PDE6C: variants seen among roughly 807,000 people sequenced by gnomAD.
PDE6C encodes the protein phosphodiesterase 6C.
In PDE6C, 75 loss-of-function variants were observed where a neutral mutation model predicts 113.1. The observed-to-expected ratio is 0.66, with a 90% CI of 0.55 to 0.80. The LOEUF is 0.80. Ranked by LOEUF, PDE6C falls within the 30% of genes least tolerant of loss-of-function variation. PDE6C has a pLI of 0.00. For synonymous variants in PDE6C, 375 were observed against 363.7 expected (o/e 1.03, Z -0.35); for missense variants, 912 against 1,038.6 (o/e 0.88, Z 1.67).
chr10:93,662,219 C>T (rs1289589469), intron 19 of PDE6C, 86 bp downstream of exon 19: 1 of 843,402 alleles, frequency 1.2e-6, no homozygotes, highest in Non-Finnish European at 2.1e-6. Flanking sequence ...AATCCCAGCA[C>T]TTTGGGAGGC....
intron 21 of PDE6C, among the ~76,000 whole-genome samples, chr10:93,664,005 A>G (rs978018608): frequency 6.6e-6 from 1 of 152,202 alleles, no homozygotes; most frequent in East Asian, 1.9e-4. Flanking sequence ...TAAATAATTC[A>G]TAGGAGAAAA....
At chr10:93,629,971 A>G (rs4917871) in intron 8 of PDE6C, among the ~76,000 whole-genome samples, 57,003 of 151,972 alleles carry the variant, frequency 0.38, 10,984 homozygotes, top group East Asian at 0.46. Flanking sequence ...ACAGTTCCTG[A>G]CACAGCATTC....
intron 15 of PDE6C, among the ~76,000 whole-genome samples, chr10:93,650,345 C>G (rs1320999242): frequency 2.6e-5 from 4 of 152,160 alleles, no homozygotes; most frequent in African/African-American, 9.7e-5. Context: ...CTCCTGGGCT[C>G]AAGCAAACCT....
chr10:93,646,833 G>A (rs1317942212), intron 15 of PDE6C, among the ~76,000 whole-genome samples: 1 of 152,134 alleles, frequency 6.6e-6, no homozygotes, highest in Non-Finnish European at 1.5e-5. Flanking sequence ...CTGAACATGG[G>A]GTTTGGGTGG....
intron 7 of PDE6C, 117 bp downstream of exon 7, chr10:93,626,988 C>T (rs576117178): frequency 1.0e-5 from 9 of 889,894 alleles, no homozygotes; most frequent in African/African-American, 3.3e-5. Flanking sequence ...ATGGGCCGGG[C>T]GCGGTGGCTC....
At chr10:93,634,322 A>C (rs979288829) in intron 8 of PDE6C, among the ~76,000 whole-genome samples, 1 of 152,172 alleles carries the variant, frequency 6.6e-6, no homozygotes, top group East Asian at 1.9e-4. Context: ...CTTTTTCTTT[A>C]AATTAAAAAT....
At chr10:93,650,579 C>T (rs538252329) in intron 15 of PDE6C, among the ~76,000 whole-genome samples, 4 of 152,174 alleles carry the variant, frequency 2.6e-5, no homozygotes, top group South Asian at 4.2e-4. Flanking sequence ...AAGTAGAATC[C>T]CTTTATCTTA....
In PDE6C at chr10:93,620,950, C is replaced by A; in HGVS notation, c.693C>A (p.Tyr231Ter). 6.2e-7 allele frequency: 1 copy of A among 1,614,002 alleles called. No homozygotes were observed. Among genetic ancestry groups the A allele is most frequent in the Non-Finnish European group, 8.5e-7 (1 of 1,179,880 alleles). The change falls in exon 3 of 22, where the codon TAC (tyrosine) becomes TAA (stop). Residue 231 changes from tyrosine to a stop codon, truncating the protein, a stop_gained. Coordinates refer to ENST00000371447, the MANE Select transcript of PDE6C (RefSeq NM_006204.4). LOFTEE classifies it high-confidence loss of function. ...SIILRLHHTS[Y>*]MYNIESRRSQ... ...TCCTAAGGCTTCATCACACCAGCTA[C>A]ATGTACAATATTGAATCCCGAAGAA...
In PDE6C at chr10:93,665,608, TA is replaced by T. The variant is rs1465224309; in HGVS notation, c.*191del. 1.7e-6 allele frequency: 1 copy of T among 582,276 alleles called. No individual in the cohort carries two copies. The highest frequency in any genetic ancestry group is 1.9e-5 in the African/African-American group (1 of 53,330). 36.1% of individuals were successfully genotyped at this position (582,276 alleles called of 1,614,324 possible). ...AATAAAGTTCAACAAAAGTGCAAAA[TA>T]TGACAAAAATAGGTACATTTTTGGT... On this transcript the variant is annotated 3_prime_UTR_variant, in exon 22 of 22. Transcript: ENST00000371447.
intron 10 of PDE6C, among the ~76,000 whole-genome samples, chr10:93,636,482 G>A (rs971555960): frequency 4.0e-5 from 6 of 150,812 alleles, no homozygotes; most frequent in African/African-American, 1.5e-4. Context: ...GTGTAATTCA[G>A]TTTGATAGTT....
intron 16 of PDE6C, among the ~76,000 whole-genome samples, chr10:93,656,938 A>G (rs2058640531): frequency 6.6e-6 from 1 of 152,156 alleles, no homozygotes; most frequent in South Asian, 2.1e-4. Flanking sequence ...ATATCCAAAT[A>G]TCTATAGCCT....
At position 93,658,184 on chromosome 10, in the gene PDE6C, A is replaced by AG. The variant is rs1554891859; in HGVS notation, c.2037-717_2037-716insG. Among the ~76,000 whole-genome samples, 32 of 144,102 alleles carry AG rather than the reference A, an allele frequency of 2.2e-4. 1 individual carries two copies. In the East Asian group the frequency reaches 3.5e-3, roughly 16 times the overall value. 94.5% of individuals were successfully genotyped at this position (144,102 alleles called of 152,430 possible). On this transcript the variant is annotated intron_variant, in intron 16 of 21. Coordinates refer to ENST00000371447, the MANE Select transcript of PDE6C (RefSeq NM_006204.4). ...GATTCTGTCTCAAAAAAAAAAAAAA[A>AG]AAAAAAAAGAAAAAGAAAAAGAAAA...
chr10:93,651,883 T>A lies in PDE6C; in HGVS notation c.1936-3877T>A, dbSNP rs80287988. ...TGTTGTTTTGTGTTGTCAAAGTAGG[T>A]CTTGAAAGGAATTCCTTGCTTCTCC... On this transcript the variant is annotated intron_variant, in intron 15 of 21. Coordinates refer to ENST00000371447, the MANE Select transcript of PDE6C (RefSeq NM_006204.4). Among the ~76,000 whole-genome samples, 309 of 152,262 alleles carry A rather than the reference T, an allele frequency of 2.0e-3. 1 individual carries two copies. Among genetic ancestry groups the A allele is most frequent in the Admixed American group, 3.4e-3 (52 of 15,294 alleles).
chr10:93,634,923 A>G lies in PDE6C; in HGVS notation c.1269+16A>G, dbSNP rs1031796960. 4 of 1,613,218 alleles carry G rather than the reference A, an allele frequency of 2.5e-6. No individual in the cohort carries two copies. The highest frequency in any genetic ancestry group is 3.4e-6 in the Non-Finnish European group (4 of 1,179,276). On this transcript the variant is annotated intron_variant, in intron 9 of 21. Transcript: ENST00000371447. ...CATTACCGAGGCAAGTGCAATAATAAGATAATGGAAGTCAATGCAATTCAC... is the reference window on the plus strand; with the variant it reads ...CATTACCGAGGCAAGTGCAATAATAGGATAATGGAAGTCAATGCAATTCAC...
In PDE6C at chr10:93,635,709, T is replaced by A. The variant is rs888706303; in HGVS notation, c.1413+69T>A. 4.7e-6 allele frequency: 7 copies of A among 1,496,684 alleles called. No individual in the cohort carries two copies. The African/African-American group carries it at 9.6e-5, about 21-fold the overall frequency. The allele number at this position is 1,496,684 out of a possible 1,614,324, so 92.7% of individuals were successfully genotyped here. ...CCACATATTCTAGAAGTCATCTAAT[T>A]ACCCAGGGGTCTGACAAATGCAAAT... is the stretch of plus-strand genomic sequence containing the variant. On this transcript the variant is annotated intron_variant, in intron 10 of 21. Coordinates refer to ENST00000371447, the MANE Select transcript of PDE6C (RefSeq NM_006204.4).
chr10:93,634,958 G>A (rs919595482), intron 9 of PDE6C, 51 bp downstream of exon 9: 9 of 1,568,498 alleles, frequency 5.7e-6, no homozygotes, highest in Non-Finnish European at 7.9e-6. Flanking sequence ...CAAAATAAGA[G>A]AGGGCACGTA....
intron 10 of PDE6C, among the ~76,000 whole-genome samples, chr10:93,636,368 T>TTGTGTGTGTGTGTGTGTGTGTGTGTGTG (rs56143950): frequency 7.1e-6 from 1 of 141,256 alleles, no homozygotes; most frequent in Non-Finnish European, 1.5e-5. Context: ...TTCCCTGGCT[T>TTGTGTGTGTGTGTGTGTGTGTGTGTGTG]TGTGTGTGTG....
At chr10:93,650,580 C>CT (rs1235169366) in intron 15 of PDE6C, among the ~76,000 whole-genome samples, 1 of 152,142 alleles carries the variant, frequency 6.6e-6, no homozygotes, top group Non-Finnish European at 1.5e-5. Context: ...AGTAGAATCC[C>CT]TTTATCTTAA....
chr10:93,663,377 G>A (rs2058675502), intron 21 of PDE6C, among the ~76,000 whole-genome samples, 199 bp downstream of exon 21: 1 of 152,164 alleles, frequency 6.6e-6, no homozygotes, highest in Admixed American at 6.5e-5. Flanking sequence ...TATAACTCCA[G>A]ATCGAATTGA....
Sources: gnomAD v4.1 joint callset for allele counts (sites outside exome capture counted in the v4.1 genomes callset) on GRCh38, gnomAD v4.1.1 for gene constraint, MANE v1.5 for transcripts, NCBI Gene and HGNC (gene_info 2026-07-23, HGNC 2026-07-21) for gene names.